The following RORB variants were observed in gnomAD, a reference collection of about 807,000 sequenced individuals.
RORB encodes the protein RAR related orphan receptor B, also known as nuclear receptor ROR-beta.
RORB carries 6 observed loss-of-function variants against 59.1 expected under a neutral mutation model. The observed-to-expected ratio is 0.10, with a 90% CI of 0.06 to 0.20. The LOEUF (loss-of-function observed/expected upper bound fraction) is 0.20, where lower values mean the gene tolerates loss of function less well. Ranked by LOEUF, RORB falls within the 10% of genes least tolerant of loss-of-function variation. RORB has a pLI of 1.00. For synonymous variants in RORB, 215 were observed against 204.5 expected (o/e 1.05, Z -0.44); for missense variants, 320 against 560.5 (o/e 0.57, Z 4.33).
At chr9:74,556,732 G>C (rs1203019963) in intron 1 of RORB, among the ~76,000 whole-genome samples, 2 of 152,138 alleles carry the variant, frequency 1.3e-5, no homozygotes, top group African/African-American at 4.8e-5. Context: ...CCTATATGCT[G>C]TAGTGGGTGC....
chr9:74,674,199 A>T (rs1165089992), intron 9 of RORB, among the ~76,000 whole-genome samples: 1 of 152,136 alleles, frequency 6.6e-6, no homozygotes, highest in Non-Finnish European at 1.5e-5. Context: ...CCCATCACAG[A>T]TTCTTCTTAT....
At position 74,656,527 on chromosome 9, in the gene RORB, A is replaced by G. The variant is rs190887151; in HGVS notation, c.638-4090A>G. Among the ~76,000 whole-genome samples the G allele has an allele frequency of 3.9e-5, 6 of 152,344 alleles. No homozygotes were observed. In the East Asian group the frequency reaches 1.2e-3, roughly 29 times the overall value. ...AAGGTGGGCAGATCGCCTGAGGTCA[A>G]GAGTTCGAGAACAGCCTGGCCAACA... On this transcript the variant is annotated intron_variant, in intron 4 of 9. Coordinates refer to ENST00000376896, the MANE Select transcript of RORB (RefSeq NM_006914.4).
chr9:74,599,550 T>C (rs1477253663), intron 1 of RORB, among the ~76,000 whole-genome samples: 1 of 152,204 alleles, frequency 6.6e-6, no homozygotes, highest in Non-Finnish European at 1.5e-5. Context: ...ACAATAACAT[T>C]CATTCTAGAG....
At chr9:74,632,686 C>A (rs551278753) in intron 2 of RORB, among the ~76,000 whole-genome samples, 51 of 152,254 alleles carry the variant, frequency 3.3e-4, no homozygotes, top group African/African-American at 1.2e-3. Context: ...TCAGAAAAGT[C>A]TTTTCTGTCC....
At chr9:74,670,837 C>T (rs189589832) in intron 8 of RORB, among the ~76,000 whole-genome samples, 20 of 152,288 alleles carry the variant, frequency 1.3e-4, no homozygotes, top group Admixed American at 2.0e-4. Context: ...AGCTTTTGTA[C>T]TCACTTACGT....
At chr9:74,552,264 T>C (rs1826622806) in intron 1 of RORB, among the ~76,000 whole-genome samples, 1 of 152,200 alleles carries the variant, frequency 6.6e-6, no homozygotes, top group Non-Finnish European at 1.5e-5. Context: ...TGGGTAATCA[T>C]TTGGCAAGGA....
intron 1 of RORB, among the ~76,000 whole-genome samples, chr9:74,551,037 C>T (rs754784804): frequency 5.9e-5 from 9 of 151,998 alleles, no homozygotes. Flanking sequence ...AATGCAGCTA[C>T]TAAAAAGTTT....
At chr9:74,519,940 C>G (rs1347715444) in intron 1 of RORB, among the ~76,000 whole-genome samples, 1 of 151,804 alleles carries the variant, frequency 6.6e-6, no homozygotes, top group Non-Finnish European at 1.5e-5. Flanking sequence ...CCTTCATTAA[C>G]TACATATCAA....
At chr9:74,605,704 C>T (rs527514347) in intron 1 of RORB, among the ~76,000 whole-genome samples, 21 of 152,290 alleles carry the variant, frequency 1.4e-4, no homozygotes, top group Admixed American at 3.9e-4. Flanking sequence ...TCTTGAAATG[C>T]TCTAAATATC....
At chr9:74,556,520 C>T (rs1035147044) in intron 1 of RORB, among the ~76,000 whole-genome samples, 2 of 152,134 alleles carry the variant, frequency 1.3e-5, no homozygotes, top group Admixed American at 1.3e-4. Context: ...CCATCCACAG[C>T]GACCAAGCAG....
intron 1 of RORB, among the ~76,000 whole-genome samples, chr9:74,514,393 G>A (rs1441470123): frequency 6.6e-6 from 1 of 151,998 alleles, no homozygotes; most frequent in Non-Finnish European, 1.5e-5. Context: ...TGTCAGAGTA[G>A]CACAAATATA....
At chr9:74,554,479 GCAGACACAGT>G (rs761101324) in intron 1 of RORB, among the ~76,000 whole-genome samples, 10 of 151,180 alleles carry the variant, frequency 6.6e-5, no homozygotes, top group Non-Finnish European at 1.3e-4. Flanking sequence ...TAAATAATGA[GCAGACACAGT>G]CAGCCCTGTT....
intron 1 of RORB, among the ~76,000 whole-genome samples, chr9:74,567,836 T>C (rs1822491943): frequency 6.6e-6 from 1 of 152,212 alleles, no homozygotes. Context: ...TATGTGTGCT[T>C]TCTTTGGAAT....
At chr9:74,534,374 T>C (rs561769786) in intron 1 of RORB, among the ~76,000 whole-genome samples, 12 of 152,108 alleles carry the variant, frequency 7.9e-5, no homozygotes, top group Admixed American at 3.9e-4. Context: ...CACAGCTGAG[T>C]GAATGAACAC....
intron 8 of RORB, among the ~76,000 whole-genome samples, chr9:74,669,333 G>T (rs1000043683): frequency 6.6e-6 from 1 of 152,032 alleles, no homozygotes; most frequent in East Asian, 1.9e-4. Flanking sequence ...ACAAAAACTA[G>T]CTGGATATGG....
chr9:74,529,902 A>G (rs1344423091), intron 1 of RORB, among the ~76,000 whole-genome samples: 1 of 151,894 alleles, frequency 6.6e-6, no homozygotes, highest in Non-Finnish European at 1.5e-5. Flanking sequence ...TCCCTAAAAA[A>G]CCTATTAAAA....
intron 1 of RORB, among the ~76,000 whole-genome samples, chr9:74,623,482 A>G (rs1484443269): frequency 6.8e-6 from 1 of 146,384 alleles, no homozygotes; most frequent in Non-Finnish European, 1.5e-5. Flanking sequence ...CAATTATCCT[A>G]CTGCCTTTAT....
At chr9:74,528,397 A>G (rs1236398424) in intron 1 of RORB, among the ~76,000 whole-genome samples, 1 of 152,018 alleles carries the variant, frequency 6.6e-6, no homozygotes, top group Non-Finnish European at 1.5e-5. Flanking sequence ...CAACGTCTCA[A>G]GTGTCTCCTA....
intron 1 of RORB, among the ~76,000 whole-genome samples, chr9:74,580,317 A>C (rs1186326155): frequency 1.3e-5 from 2 of 152,156 alleles, no homozygotes; most frequent in African/African-American, 2.4e-5. Flanking sequence ...AATATGTATA[A>C]AATACAGTTG....
Sources: allele counts gnomAD v4.1 joint callset (sites outside exome capture counted in the v4.1 genomes callset), GRCh38; gene constraint gnomAD v4.1.1; transcripts MANE v1.5; gene names NCBI Gene and HGNC (gene_info 2026-07-23, HGNC 2026-07-21).